The following SEMA5A variants were observed in gnomAD, a reference collection of about 807,000 sequenced individuals.
SEMA5A encodes semaphorin 5A.
In SEMA5A, 55 loss-of-function variants were observed where a neutral mutation model predicts 135.5. The observed-to-expected ratio is 0.41, with a 90% CI of 0.33 to 0.51. SEMA5A has a LOEUF of 0.51. SEMA5A is among the 20% of genes least tolerant of loss of function. The pLI is 0.37. For synonymous variants in SEMA5A, 580 were observed against 546.5 expected, an observed-to-expected ratio of 1.06 and a Z score of -0.85; for missense variants, 1,290 against 1,419.9, an observed-to-expected ratio of 0.91 and a Z score of 1.47.
intron 1 of SEMA5A, among the ~76,000 whole-genome samples, chr5:9,455,464 G>C (rs1018666075): frequency 1.3e-5 from 2 of 151,890 alleles, no homozygotes; most frequent in African/African-American, 4.8e-5. Context: ...CACCATGTTA[G>C]CAAGGACAGT....
At chr5:9,382,114 A>T (rs1755647443) in intron 2 of SEMA5A, among the ~76,000 whole-genome samples, 1 of 151,940 alleles carries the variant, frequency 6.6e-6, no homozygotes, top group Admixed American at 6.6e-5. Context: ...TGGGAAATAT[A>T]ATGAGATTTC....
chr5:9,154,835 C>T, intron 11 of SEMA5A, 140 bp from the exon 12 acceptor site: 1 of 712,740 alleles, frequency 1.4e-6, no homozygotes, highest in Non-Finnish European at 2.4e-6. Context: ...AAACAGTACA[C>T]CTGGACACCA....
chr5:9,190,335 A>T lies in SEMA5A; in HGVS notation c.1205T>A (p.Phe402Tyr), dbSNP rs148001955. ...CACCACGTCGACTGCCACGTGGGAAAAGCGGCTATTGTCCTCCATGAAGGA... is the reference window on the plus strand; with the variant it reads ...CACCACGTCGACTGCCACGTGGGAATAGCGGCTATTGTCCTCCATGAAGGA... ...VPSFMEDNSRFSHVAVDVVQG... is the reference protein window; with the variant it reads ...VPSFMEDNSRYSHVAVDVVQG... The change falls in exon 11 of 23, where the codon TTT becomes TAT. Residue 402 changes from phenylalanine (F) to tyrosine (Y), a missense_variant. Phe to Tyr is a conservative substitution (Grantham distance 22). This residue lies in a region of SEMA5A where 1,029 missense variants were observed against 1,086.6 expected (regional missense o/e 0.95). Coordinates refer to ENST00000382496, the MANE Select transcript of SEMA5A (RefSeq NM_003966.3). 187 of 1,613,976 alleles carry T rather than the reference A, an allele frequency of 1.2e-4. No individual in the cohort carries two copies. The highest frequency in any genetic ancestry group is 1.5e-4 in the Non-Finnish European group (180 of 1,180,026).
At chr5:9,184,963 T>G (rs2150336574) in intron 11 of SEMA5A, among the ~76,000 whole-genome samples, 1 of 152,302 alleles carries the variant, frequency 6.6e-6, no homozygotes, top group Non-Finnish European at 1.5e-5. Context: ...CATCTTACTC[T>G]GCTTCCCAGG....
At position 9,385,870 on chromosome 5, in the gene SEMA5A, C is replaced by T. The variant is rs182832119; in HGVS notation, c.-77-5847G>A. ...AAGCTGGAGTGCAACGGCATGATCT[C>T]GGCTCACTGCAACCTCTGCCTCCCG... On this transcript the variant is annotated intron_variant, in intron 2 of 22. Transcript: ENST00000382496. Among the ~76,000 whole-genome samples the T allele has an allele frequency of 5.7e-3, 811 of 142,614 alleles. 2 individuals are homozygous for T. Among genetic ancestry groups the T allele is most frequent in the Middle Eastern group, 0.015 (4 of 266 alleles). The allele number at this position is 142,614 out of a possible 152,430, so 93.6% of individuals were successfully genotyped here.
intron 11 of SEMA5A, among the ~76,000 whole-genome samples, chr5:9,183,548 G>C (rs976383843): frequency 2.0e-5 from 3 of 152,280 alleles, no homozygotes; most frequent in Non-Finnish European, 4.4e-5. Context: ...TGTCAGCCAC[G>C]GGGGCAGCTG....
intron 3 of SEMA5A, among the ~76,000 whole-genome samples, chr5:9,340,299 G>A (rs979552149): frequency 6.6e-6 from 1 of 152,188 alleles, no homozygotes; most frequent in African/African-American, 2.4e-5. Context: ...AGCCCCCAGA[G>A]CTGGGCTCAC....
At chr5:9,486,839 C>T (rs1654964612) in intron 1 of SEMA5A, among the ~76,000 whole-genome samples, 1 of 152,068 alleles carries the variant, frequency 6.6e-6, no homozygotes, top group Non-Finnish European at 1.5e-5. Context: ...TCTGCTTCTC[C>T]TCACAGTTCT....
chr5:9,223,764 T>C (rs1035489673), intron 8 of SEMA5A, among the ~76,000 whole-genome samples: 9 of 152,178 alleles, frequency 5.9e-5, no homozygotes, highest in African/African-American at 2.2e-4. Context: ...TGTATGTGCG[T>C]GTGTGTGTGA....
At chr5:9,539,392 A>T (rs1388786136) in intron 1 of SEMA5A, among the ~76,000 whole-genome samples, 7 of 152,220 alleles carry the variant, frequency 4.6e-5, no homozygotes, top group African/African-American at 1.7e-4. Flanking sequence ...ATCCAACTAC[A>T]TGACTAGGCT....
chr5:9,118,586 C>A (rs930913551), intron 15 of SEMA5A, among the ~76,000 whole-genome samples: 1 of 152,112 alleles, frequency 6.6e-6, no homozygotes, highest in Non-Finnish European at 1.5e-5. Flanking sequence ...AAAACCCTAC[C>A]GCACCTGCCC....
At chr5:9,091,717 C>G (rs1196927956) in intron 16 of SEMA5A, among the ~76,000 whole-genome samples, 1 of 152,150 alleles carries the variant, frequency 6.6e-6, no homozygotes, top group East Asian at 1.9e-4. Context: ...ATGAGGGCTC[C>G]TCAGTGGACA....
At chr5:9,430,304 A>G (rs1489531875) in intron 2 of SEMA5A, among the ~76,000 whole-genome samples, 1 of 152,186 alleles carries the variant, frequency 6.6e-6, no homozygotes, top group Non-Finnish European at 1.5e-5. Context: ...TTGAAGACAT[A>G]AATTAGACAT....
In SEMA5A at chr5:9,354,449, G is replaced by C. The variant is rs568694899; in HGVS notation, c.125-16637C>G. On this transcript the variant is annotated intron_variant, in intron 3 of 22. Transcript: ENST00000382496. Reference sequence around the variant, plus strand: ...CCAAACAGCTTCAGAGACCCTTCCTGCTCTGGGCCCAGTTTTCATGGTGTT... The same window carrying C: ...CCAAACAGCTTCAGAGACCCTTCCTCCTCTGGGCCCAGTTTTCATGGTGTT... 8.5e-5 allele frequency among the ~76,000 whole-genome samples: 13 copies of C among 152,080 alleles called. No homozygotes were observed. The South Asian group carries it at 2.5e-3, about 29-fold the overall frequency.
intron 3 of SEMA5A, among the ~76,000 whole-genome samples, chr5:9,342,091 GAA>G (rs35363712): frequency 2.0e-5 from 3 of 150,136 alleles, no homozygotes; most frequent in African/African-American, 4.9e-5. Flanking sequence ...AAAAAAGAAA[GAA>G]AAAAAAATCA....
intron 10 of SEMA5A, 60 bp downstream of exon 10, chr5:9,197,108 A>G (rs1745429807): frequency 1.9e-6 from 3 of 1,605,792 alleles, no homozygotes; most frequent in East Asian, 2.2e-5. Flanking sequence ...CTGTCTACAC[A>G]AGGCTTCTGC....
At chr5:9,159,306 T>C (rs1743121665) in intron 11 of SEMA5A, among the ~76,000 whole-genome samples, 1 of 152,250 alleles carries the variant, frequency 6.6e-6, no homozygotes, top group Non-Finnish European at 1.5e-5. Flanking sequence ...TATAAGGCTA[T>C]TACTGAGGAT....
At chr5:9,363,578 G>A (rs1469013415) in intron 3 of SEMA5A, among the ~76,000 whole-genome samples, 1 of 152,214 alleles carries the variant, frequency 6.6e-6, no homozygotes, top group Non-Finnish European at 1.5e-5. Context: ...CACAGAAAGA[G>A]CATTGCAGCA....
intron 1 of SEMA5A, among the ~76,000 whole-genome samples, chr5:9,531,024 C>T (rs1038876114): frequency 2.0e-5 from 3 of 152,190 alleles, no homozygotes; most frequent in Non-Finnish European, 2.9e-5. Flanking sequence ...CTTATCCTGA[C>T]TGCAAAGTGT....
Sources: allele counts gnomAD v4.1 joint callset (sites outside exome capture counted in the v4.1 genomes callset), GRCh38; gene constraint gnomAD v4.1.1; regional missense constraint gnomAD v4.1.1; transcripts MANE v1.5; gene names NCBI Gene and HGNC (gene_info 2026-07-23, HGNC 2026-07-21).